The following ROBO2 variants were observed in gnomAD, a reference collection of about 807,000 sequenced individuals.
ROBO2 encodes roundabout homolog 2.
ROBO2 carries 53 observed loss-of-function variants against 160.8 expected under a neutral mutation model. That is an observed-to-expected ratio of 0.33 (90% CI 0.26 to 0.41). ROBO2 has a LOEUF of 0.41. Among genes scored for constraint, ROBO2 ranks in the 10% least tolerant of loss-of-function variants. ROBO2 has a pLI of 1.00. For missense variants in ROBO2, 1,577 were observed against 1,722.4 expected, an observed-to-expected ratio of 0.92 and a Z score of 1.49; for synonymous variants, 664 against 611.7, an observed-to-expected ratio of 1.09 and a Z score of -1.26.
chr3:77,601,835 T>C (rs149861364), intron 19 of ROBO2, among the ~76,000 whole-genome samples: 5 of 152,352 alleles, frequency 3.3e-5, no homozygotes, highest in Non-Finnish European at 7.3e-5. Context: ...GAGATGTTTT[T>C]CATCTGTGAG....
chr3:76,040,536 A>C (rs2067244893), intron 2 of ROBO2, among the ~76,000 whole-genome samples: 1 of 152,086 alleles, frequency 6.6e-6, no homozygotes, highest in Non-Finnish European at 1.5e-5. Context: ...CTGCATCTAC[A>C]AACAAAATTT....
intron 2 of ROBO2, among the ~76,000 whole-genome samples, chr3:76,660,858 C>A: frequency 6.6e-6 from 1 of 152,096 alleles, no homozygotes; most frequent in East Asian, 1.9e-4. Context: ...GACTTATTCA[C>A]TTTAAGTACC....
chr3:75,989,353 T>C (rs2065502249), intron 2 of ROBO2, among the ~76,000 whole-genome samples: 1 of 152,098 alleles, frequency 6.6e-6, no homozygotes, highest in Non-Finnish European at 1.5e-5. Flanking sequence ...CCTGACCTCA[T>C]GATCCACCTG....
intron 2 of ROBO2, among the ~76,000 whole-genome samples, chr3:76,320,818 A>G (rs769650347): frequency 2.0e-5 from 3 of 152,176 alleles, no homozygotes; most frequent in Non-Finnish European, 4.4e-5. Flanking sequence ...AGTAGGACTT[A>G]ATGCACTGTT....
intron 2 of ROBO2, among the ~76,000 whole-genome samples, chr3:77,386,332 A>G (rs1156305533): frequency 6.6e-6 from 1 of 152,180 alleles, no homozygotes; most frequent in Non-Finnish European, 1.5e-5. Context: ...GTAAATTGTT[A>G]ATGTTTAACA....
At position 76,436,521 on chromosome 3, in the gene ROBO2, C is replaced by T. The variant is rs201901495; in HGVS notation, c.109+498919C>T. 6.3e-4 allele frequency among the ~76,000 whole-genome samples: 96 copies of T among 152,234 alleles called. 1 individual carries two copies. The East Asian group carries it at 0.014, about 22-fold the overall frequency. ...GCTGCTAATGTAAATTTCAGTTTTT[C>T]GCCTCTAGGACAAACACTTACCAAA... On this transcript the variant is annotated intron_variant, in intron 2 of 26. Transcript: ENST00000487694.
chr3:75,996,968 C>T (rs1341673355), intron 2 of ROBO2, among the ~76,000 whole-genome samples: 1 of 152,176 alleles, frequency 6.6e-6, no homozygotes, highest in Non-Finnish European at 1.5e-5. Context: ...GATACTATTT[C>T]ATGATCAGCA....
chr3:77,169,732 T>C (rs1293843629), intron 2 of ROBO2, among the ~76,000 whole-genome samples: 1 of 150,266 alleles, frequency 6.7e-6, no homozygotes, highest in East Asian at 2.0e-4. Context: ...TTTTTTCTTT[T>C]CCTTTCTTTT....
Position 77,458,073 on chromosome 3 carries a change from C to T in ROBO2, c.389-19341C>T, listed in dbSNP as rs963882056. Among the ~76,000 whole-genome samples, 80 of 152,226 alleles carry T rather than the reference C, an allele frequency of 5.3e-4. 1 individual carries two copies. Among genetic ancestry groups the T allele is most frequent in the African/African-American group, 1.8e-3 (75 of 41,534 alleles). ...AAAAACTATTTCACTTAATCCTCAT[C>T]GCCGCCTTAGATAAGAGGCGCCATT... On this transcript the variant is annotated intron_variant, in intron 2 of 25. Coordinates refer to ENST00000461745, the Ensembl canonical transcript of ROBO2.
intron 2 of ROBO2, among the ~76,000 whole-genome samples, chr3:76,834,013 C>CCTTTCTTTCTCTTTT (rs761803441): frequency 8.3e-6 from 1 of 121,148 alleles, no homozygotes; most frequent in Non-Finnish European, 1.7e-5. Context: ...TTCTTTCTTT[C>CCTTTCTTTCTCTTTT]CTTTCTTTCT....
At chr3:76,360,073 A>G (rs901890949) in intron 2 of ROBO2, among the ~76,000 whole-genome samples, 5 of 152,034 alleles carry the variant, frequency 3.3e-5, no homozygotes, top group Non-Finnish European at 7.4e-5. Context: ...ATGAAGTTGC[A>G]TGTATATAAT....
intron 2 of ROBO2, among the ~76,000 whole-genome samples, chr3:76,450,014 T>C (rs1318600766): frequency 6.6e-6 from 1 of 152,160 alleles, no homozygotes; most frequent in Non-Finnish European, 1.5e-5. Context: ...GGAAAAGTCA[T>C]TTATCGAAAT....
At chr3:77,613,934 T>C (rs2153700342) in intron 21 of ROBO2, among the ~76,000 whole-genome samples, 1 of 152,298 alleles carries the variant, frequency 6.6e-6, no homozygotes, top group African/African-American at 2.4e-5. Flanking sequence ...GATGGATTTA[T>C]AAGATTAAGA....
intron 2 of ROBO2, among the ~76,000 whole-genome samples, chr3:76,307,454 C>T (rs559600179): frequency 6.6e-6 from 1 of 151,276 alleles, no homozygotes; most frequent in African/African-American, 2.4e-5. Flanking sequence ...TTGCTGGGGC[C>T]TTCTTTTTCT....
At chr3:76,319,229 TAAAATC>T (rs2072301921) in intron 2 of ROBO2, among the ~76,000 whole-genome samples, 1 of 152,006 alleles carries the variant, frequency 6.6e-6, no homozygotes, top group Non-Finnish European at 1.5e-5. Context: ...CTTACAAAAA[TAAAATC>T]AAAGTTCCAA....
intron 2 of ROBO2, among the ~76,000 whole-genome samples, chr3:76,325,566 G>T (rs1409499421): frequency 6.6e-6 from 1 of 152,010 alleles, no homozygotes; most frequent in African/African-American, 2.4e-5. Context: ...GTAAACAGTT[G>T]GTTGTAGCCT....
At chr3:76,423,125 G>A (rs1440343587) in intron 2 of ROBO2, among the ~76,000 whole-genome samples, 1 of 152,156 alleles carries the variant, frequency 6.6e-6, no homozygotes, top group Non-Finnish European at 1.5e-5. Context: ...TGACTACAGA[G>A]TAAAGGGTTA....
At chr3:76,724,945 T>G (rs267123) in intron 2 of ROBO2, among the ~76,000 whole-genome samples, 87,184 of 151,846 alleles carry the variant, frequency 0.57, 26,010 homozygotes, top group Non-Finnish European at 0.66. Flanking sequence ...TGGCTGCAAT[T>G]CAGGGAACTC....
chr3:77,319,213 T>TA (rs2064399175), intron 2 of ROBO2, among the ~76,000 whole-genome samples: 1 of 152,222 alleles, frequency 6.6e-6, no homozygotes, highest in Admixed American at 6.5e-5. Flanking sequence ...CTAATGAAAG[T>TA]AAAAGATAAA....
Sources: allele counts gnomAD v4.1 joint callset (sites outside exome capture counted in the v4.1 genomes callset), GRCh38; gene constraint gnomAD v4.1.1; transcripts MANE v1.5; gene names NCBI Gene and HGNC (gene_info 2026-07-23, HGNC 2026-07-21).